The following CFAP251 variants were observed in gnomAD, a reference collection of about 807,000 sequenced individuals.
CFAP251 encodes cilia and flagella associated protein 251.
CFAP251 carries 93 observed loss-of-function variants against 126.7 expected under a neutral mutation model. The ratio of observed to expected loss-of-function variants is 0.73; its 90% CI spans 0.62 to 0.87. The LOEUF (loss-of-function observed/expected upper bound fraction) is 0.87, where lower values mean the gene tolerates loss of function less well. Ranked by LOEUF, CFAP251 falls within the 40% of genes least tolerant of loss-of-function variation. CFAP251 has a pLI of 0.00. For synonymous variants in CFAP251, 503 were observed against 506.9 expected, an observed-to-expected ratio of 0.99 and a Z score of 0.10; for missense variants, 1,287 against 1,389.2, an observed-to-expected ratio of 0.93 and a Z score of 1.17.
At chr12:121,997,698 AATTT>A (rs982608689) in intron 19 of CFAP251, 4 of 150,956 alleles carry the variant, frequency 2.6e-5, no homozygotes, top group African/African-American at 4.9e-5. Context: ...TTGTTTTATT[AATTT>A]ATTATAATTA....
chr12:121,992,454 C>G lies in CFAP251; in HGVS notation c.3007-7262C>G, dbSNP rs1593006852. 3.0e-6 allele frequency: 3 copies of G among 985,378 alleles called. No homozygotes were observed. The South Asian group carries it at 1.4e-4, about 46-fold the overall frequency. 61.0% of individuals were successfully genotyped at this position (985,378 alleles called of 1,614,324 possible). ...TGTTTGCTGAGCTCTTTGGAACTCTCTGGGTATGAGTAACTCAGGCCCTTA... is the reference window on the plus strand; with the variant it reads ...TGTTTGCTGAGCTCTTTGGAACTCTGTGGGTATGAGTAACTCAGGCCCTTA... On this transcript the variant is annotated intron_variant, in intron 19 of 21. Transcript: ENST00000288912.
intron 17 of CFAP251, chr12:121,971,418 ACT>A: frequency 1.5e-6 from 1 of 646,506 alleles, no homozygotes; most frequent in Non-Finnish European, 2.8e-6. Flanking sequence ...TGCATGGCAG[ACT>A]CTTCCTAAGA....
intron 5 of CFAP251, among the ~76,000 whole-genome samples, chr12:121,941,426 T>C (rs1332571261): frequency 2.1e-5 from 3 of 143,894 alleles, no homozygotes; most frequent in African/African-American, 7.9e-5. Flanking sequence ...CTCAACCTCC[T>C]GGACTCAAGC....
rs71082922 is a variant in CFAP251 at position 121,979,563 on chromosome 12, C to CTTTTTTTTTTTTTTTTT, written c.3006+3881_3006+3897dup. On this transcript the variant is annotated intron_variant, in intron 19 of 21. Coordinates refer to ENST00000288912, the MANE Select transcript of CFAP251 (RefSeq NM_144668.6). Reference sequence around the variant, plus strand: ...GAGATCATTAGTCAGCTTTCTTCTTCTTTTTTTTTTTTTTTTTTTGAGACA... The same window carrying CTTTTTTTTTTTTTTTTT: ...GAGATCATTAGTCAGCTTTCTTCTTCTTTTTTTTTTTTTTTTTTTTTTTTTTTTTTTTTTTTGAGACA... Among the ~76,000 whole-genome samples, 29 of 84,978 alleles carry CTTTTTTTTTTTTTTTTT rather than the reference C, an allele frequency of 3.4e-4. 4 individuals are homozygous for CTTTTTTTTTTTTTTTTT. The highest frequency in any genetic ancestry group is 1.5e-3 in the South Asian group (3 of 2,000). The allele number at this position is 84,978 out of a possible 152,430, so 55.7% of individuals were successfully genotyped here. A position where few individuals can be genotyped will look rare whatever the true frequency, so the allele number is the denominator to read the frequency against.
intron 5 of CFAP251, among the ~76,000 whole-genome samples, chr12:121,940,476 G>A (rs919992589): frequency 2.0e-5 from 3 of 152,110 alleles, no homozygotes; most frequent in Non-Finnish European, 2.9e-5. Flanking sequence ...GGACCCTAGC[G>A]TGACATACAG....
chr12:121,983,460 T>C (rs894533913), intron 19 of CFAP251, among the ~76,000 whole-genome samples: 3 of 151,884 alleles, frequency 2.0e-5, no homozygotes, highest in African/African-American at 2.4e-5. Flanking sequence ...TGTTCTATCA[T>C]TGGCAAAAAA....
intron 3 of CFAP251, among the ~76,000 whole-genome samples, chr12:121,928,642 A>ATATACG (rs1880524794): frequency 1.3e-4 from 4 of 30,036 alleles, no homozygotes; most frequent in Admixed American, 4.0e-4. Flanking sequence ...ATATACGTAT[A>ATATACG]TATATATATA....
intron 7 of CFAP251, among the ~76,000 whole-genome samples, chr12:121,945,632 C>T (rs549024440): frequency 4.0e-5 from 6 of 151,218 alleles, no homozygotes; most frequent in African/African-American, 7.3e-5. Context: ...TATAAGCCAC[C>T]GTGCCCGGCC....
At chr12:121,942,019 T>G (rs1376643367) in intron 5 of CFAP251, among the ~76,000 whole-genome samples, 5 of 152,162 alleles carry the variant, frequency 3.3e-5, no homozygotes, top group Admixed American at 3.3e-4. Context: ...TGGTACCTAG[T>G]GAATGAGAAC....
Position 121,931,638 on chromosome 12 carries a change from T to G in CFAP251, c.748-108T>G, listed in dbSNP as rs182271779. On this transcript the variant is annotated intron_variant, in intron 3 of 21. Transcript: ENST00000288912. The stretch of plus-strand genomic sequence containing the variant: ...GAGGACTTTCTTAAAGTGGTTCCTC[T>G]TCACTGAACTGTTGATGTGAAATCC... 5.2e-6 allele frequency: 6 copies of G among 1,145,060 alleles called. No homozygotes were observed. The East Asian group carries it at 1.5e-4, about 28-fold the overall frequency. The allele number at this position is 1,145,060 out of a possible 1,614,324, so 70.9% of individuals were successfully genotyped here.
At chr12:121,987,715 CA>C (rs67772162) in intron 19 of CFAP251, among the ~76,000 whole-genome samples, 31,046 of 84,934 alleles carry the variant, frequency 0.37, 3,510 homozygotes, top group East Asian at 0.56. Context: ...GACTCCGTCT[CA>C]AAAAAAAAAA....
chr12:121,988,608 A>G (rs1882804764), intron 19 of CFAP251, among the ~76,000 whole-genome samples: 1 of 152,220 alleles, frequency 6.6e-6, no homozygotes, highest in Non-Finnish European at 1.5e-5. Context: ...TCATGTAGAT[A>G]TGCCACATTT....
intron 19 of CFAP251, among the ~76,000 whole-genome samples, chr12:121,980,937 C>T (rs1441005359): frequency 6.6e-6 from 1 of 152,194 alleles, no homozygotes; most frequent in Non-Finnish European, 1.5e-5. Context: ...GGAGTCTGCT[C>T]TGTAGATGAG....
chr12:121,942,216 G>A (rs1881147101), intron 5 of CFAP251, among the ~76,000 whole-genome samples: 3 of 151,836 alleles, frequency 2.0e-5, no homozygotes, highest in Admixed American at 6.6e-5. Flanking sequence ...CATTTTCACC[G>A]CCCCAGAAGG....
At chr12:121,966,080 G>A (rs1247472241) in intron 15 of CFAP251, among the ~76,000 whole-genome samples, 3 of 150,550 alleles carry the variant, frequency 2.0e-5, no homozygotes, top group Non-Finnish European at 3.0e-5. Context: ...GAGCCACTGC[G>A]TTCTGCCCAT....
intron 19 of CFAP251, among the ~76,000 whole-genome samples, chr12:121,982,171 C>A (rs933781314): frequency 1.3e-5 from 2 of 151,764 alleles, no homozygotes; most frequent in Non-Finnish European, 2.9e-5. Flanking sequence ...AATGTCCAAA[C>A]GCCATCAAAT....
chr12:121,978,285 T>A (rs1882522263), intron 19 of CFAP251, among the ~76,000 whole-genome samples: 1 of 148,580 alleles, frequency 6.7e-6, no homozygotes, highest in South Asian at 2.1e-4. Context: ...TCCCAGCTAC[T>A]CAGGAGGCTG....
At chr12:121,980,019 C>A (rs756490921) in intron 19 of CFAP251, among the ~76,000 whole-genome samples, 2 of 152,242 alleles carry the variant, frequency 1.3e-5, no homozygotes, top group Non-Finnish European at 2.9e-5. Flanking sequence ...CTTTAGGCCT[C>A]GCTTTCTGCT....
chr12:121,955,847 G>A (rs1331074852), intron 10 of CFAP251: 2 of 152,124 alleles, frequency 1.3e-5, no homozygotes, highest in African/African-American at 4.8e-5. Context: ...GACCAGGCCT[G>A]GGTTCTCCAA....
Sources: allele counts gnomAD v4.1 joint callset (sites outside exome capture counted in the v4.1 genomes callset), GRCh38; gene constraint gnomAD v4.1.1; transcripts MANE v1.5; gene names NCBI Gene and HGNC (gene_info 2026-07-23, HGNC 2026-07-21).